The following CELF1 variants were observed in gnomAD, a reference collection of about 807,000 sequenced individuals.
CELF1 encodes the protein CUGBP Elav-like family member 1.
A neutral mutation model predicts 61.8 loss-of-function variants in CELF1; 10 were observed. The observed-to-expected ratio is 0.16, with a 90% CI of 0.10 to 0.27. The LOEUF (loss-of-function observed/expected upper bound fraction) is 0.27, where lower values mean the gene tolerates loss of function less well. Ranked by LOEUF, CELF1 falls within the 10% of genes least tolerant of loss-of-function variation. The probability of loss-of-function intolerance (pLI) is 1.00; values close to 1 mark genes in which losing one functional copy is unlikely to be tolerated. For missense variants in CELF1, 380 were observed against 639.1 expected, an observed-to-expected ratio of 0.59 and a Z score of 4.37; for synonymous variants, 236 against 225.1, an observed-to-expected ratio of 1.05 and a Z score of -0.43.
chr11:47,471,974 A>G lies in CELF1; in HGVS notation c.*256T>C, dbSNP rs2077832066. ...ATAAAGGAGAAACAAAAACAAAAAC[A>G]AAAAAAACCTCAGGATATGGCACCT... On this transcript the variant is annotated 3_prime_UTR_variant, in exon 15 of 15. Coordinates refer to ENST00000687097, the MANE Select transcript of CELF1 (RefSeq NM_001376376.1). The G allele has an allele frequency of 2.6e-6, 1 of 384,162 alleles. No individual in the cohort carries two copies. The highest frequency in any genetic ancestry group is 4.8e-6 in the Non-Finnish European group (1 of 210,354). The allele number at this position is 384,162 out of a possible 1,614,324, so 23.8% of individuals were successfully genotyped here.
In CELF1 at chr11:47,482,875, G is replaced by A. The variant is rs1374614145; in HGVS notation, c.607-19C>T. 6 of 1,603,626 alleles carry A rather than the reference G, an allele frequency of 3.7e-6. No homozygotes were observed. The highest frequency in any genetic ancestry group is 5.1e-6 in the Non-Finnish European group (6 of 1,174,250). On this transcript the variant is annotated intron_variant, in intron 8 of 14. Coordinates refer to ENST00000687097, the MANE Select transcript of CELF1 (RefSeq NM_001376376.1). ...AGCAACCCTGTGAAAAGACCATAAC[G>A]AAAGGGTCAAATTCCTCCATCTGAA...
At chr11:47,543,704 T>C (rs1248694240) in intron 1 of CELF1, among the ~76,000 whole-genome samples, 1 of 151,858 alleles carries the variant, frequency 6.6e-6, no homozygotes, top group Non-Finnish European at 1.5e-5. Flanking sequence ...AGCTCAAGAG[T>C]TTGCACCAGT....
intron 1 of CELF1, among the ~76,000 whole-genome samples, chr11:47,526,182 A>C (rs1262880484): frequency 6.6e-6 from 1 of 152,122 alleles, no homozygotes. Flanking sequence ...ATACAAAATT[A>C]GCCAGGTGTG....
At chr11:47,531,278 A>C (rs1048512058) in intron 1 of CELF1, among the ~76,000 whole-genome samples, 20 of 151,598 alleles carry the variant, frequency 1.3e-4, no homozygotes, top group African/African-American at 4.4e-4. Context: ...AAAACAAAAA[A>C]AAACAAACAG....
At chr11:47,520,641 C>G (rs1249058653) in intron 1 of CELF1, among the ~76,000 whole-genome samples, 2 of 152,012 alleles carry the variant, frequency 1.3e-5, no homozygotes, top group African/African-American at 4.8e-5. Context: ...AACCCTACCT[C>G]TACCCAAAAA....
In CELF1 at chr11:47,486,815, T is replaced by C. The variant is rs903696501; in HGVS notation, c.343-17A>G. On this transcript the variant is annotated splice_polypyrimidine_tract_variant and intron_variant, in intron 5 of 14. Coordinates refer to ENST00000687097, the MANE Select transcript of CELF1 (RefSeq NM_001376376.1). Reference sequence around the variant, plus strand: ...GTGATGCATCTGAAAAGGAAAAATATGATTATTATCACTGTATATATTGAT... The same window carrying C: ...GTGATGCATCTGAAAAGGAAAAATACGATTATTATCACTGTATATATTGAT... 1.3e-6 allele frequency: 2 copies of C among 1,581,530 alleles called. No homozygotes were observed. Among genetic ancestry groups the C allele is most frequent in the Non-Finnish European group, 1.7e-6 (2 of 1,150,312 alleles).
chr11:47,495,052 C>T lies in CELF1; in HGVS notation c.71+4401G>A, dbSNP rs145071822. Among the ~76,000 whole-genome samples the T allele has an allele frequency of 1.9e-3, 290 of 152,196 alleles. 1 individual carries two copies. The highest frequency in any genetic ancestry group is 0.014 in the Middle Eastern group (4 of 294). ...AGGCACGAGCCACTGCCCCCAGCTG[C>T]GATACAGAATATTTTCATCATCACA... On this transcript the variant is annotated intron_variant, in intron 3 of 14. Transcript: ENST00000687097.
In CELF1 at chr11:47,499,680, G is replaced by A. The variant is rs1468809188; in HGVS notation, c.-81-76C>T. The A allele has an allele frequency of 4.8e-6, 3 of 624,410 alleles. No homozygotes were observed. In the African/African-American group the frequency reaches 5.5e-5, roughly 11 times the overall value. 38.7% of individuals were successfully genotyped at this position (624,410 alleles called of 1,614,324 possible). A position where few individuals can be genotyped will look rare whatever the true frequency, so the allele number is the denominator to read the frequency against. On this transcript the variant is annotated intron_variant, in intron 2 of 14. Coordinates refer to ENST00000687097, the MANE Select transcript of CELF1 (RefSeq NM_001376376.1). ...CAATAAGTGCCACAGAAAGAGGCAG[G>A]ACTGGGGAAGGGGTAGGGAAAGGGA...
chr11:47,533,626 A>AAAT (rs2096545900), intron 1 of CELF1, among the ~76,000 whole-genome samples: 1 of 106,102 alleles, frequency 9.4e-6, no homozygotes, highest in Admixed American at 1.1e-4. Flanking sequence ...CCATTTCAAA[A>AAAT]AATAAATAAA....
chr11:47,541,101 C>A (rs569884563), intron 1 of CELF1, among the ~76,000 whole-genome samples: 2 of 152,262 alleles, frequency 1.3e-5, no homozygotes, highest in African/African-American at 4.8e-5. Context: ...GTTTCCCATA[C>A]ACAAAAGCTA....
At chr11:47,559,587 C>G (rs1395564863) in intron 2 of CELF1, among the ~76,000 whole-genome samples, 1 of 152,100 alleles carries the variant, frequency 6.6e-6, no homozygotes, top group African/African-American at 2.4e-5. Flanking sequence ...TGGGCTCAAG[C>G]GATCATCCCA....
At chr11:47,483,138 C>A (rs986080105) in intron 8 of CELF1, among the ~76,000 whole-genome samples, 3 of 151,874 alleles carry the variant, frequency 2.0e-5, no homozygotes, top group Non-Finnish European at 4.4e-5. Flanking sequence ...CTGGTGTGCA[C>A]CTGTAGTCCC....
chr11:47,549,233 A>C (rs1012276700), intron 1 of CELF1, among the ~76,000 whole-genome samples: 7 of 152,234 alleles, frequency 4.6e-5, no homozygotes, highest in Admixed American at 1.3e-4. Context: ...AAATAAAAAA[A>C]CACTATTCCA....
chr11:47,472,184 C>G lies in CELF1; in HGVS notation c.*46G>C, dbSNP rs892269368. On this transcript the variant is annotated 3_prime_UTR_variant, in exon 15 of 15. Transcript: ENST00000687097. ...CGAATCATTAAGGGTGCTCCTCCCC[C>G]ACTTACCAGAAGACCCTCTCACTCC... 9 of 1,606,972 alleles carry G rather than the reference C, an allele frequency of 5.6e-6. No individual in the cohort carries two copies. In the Admixed American group the frequency reaches 8.4e-5, roughly 15 times the overall value.
intron 1 of CELF1, among the ~76,000 whole-genome samples, chr11:47,508,787 T>G (rs1344944260): frequency 2.0e-5 from 3 of 152,168 alleles, no homozygotes; most frequent in Non-Finnish European, 2.9e-5. Context: ...AAGGCTGTTT[T>G]GAGACGGAGT....
intron 3 of CELF1, among the ~76,000 whole-genome samples, chr11:47,491,979 T>TA (rs1195420406): frequency 6.6e-6 from 1 of 152,196 alleles, no homozygotes; most frequent in Non-Finnish European, 1.5e-5. Flanking sequence ...ACAGGATTAA[T>TA]ACGCCTTTTT....
chr11:47,476,640 A>G (rs919159489), intron 12 of CELF1, among the ~76,000 whole-genome samples: 3 of 152,016 alleles, frequency 2.0e-5, no homozygotes, highest in South Asian at 2.1e-4. Context: ...GTTAGCCAGA[A>G]TGGTCTCGAT....
chr11:47,541,732 A>C (rs1305298302), intron 1 of CELF1, among the ~76,000 whole-genome samples: 569 of 8,904 alleles, frequency 0.064, 92 homozygotes, highest in Middle Eastern at 0.2. Context: ...GAAAGAACGA[A>C]AGAAAGAACG....
Position 47,544,859 on chromosome 11 carries a change from G to A in CELF1, c.-154+8133C>T, listed in dbSNP as rs111316512. Among the ~76,000 whole-genome samples, 1,043 of 152,168 alleles carry A rather than the reference G, an allele frequency of 6.9e-3. 14 individuals carry two copies. Among genetic ancestry groups the A allele is most frequent in the African/African-American group, 0.023 (966 of 41,494 alleles). On this transcript the variant is annotated intron_variant, in intron 1 of 14. Transcript: ENST00000687097. ...TGCCTATAATCCCAGCTACTCGGAA[G>A]GCTGAGGAAGGAAAATCACTTGAGC...
Sources: allele counts gnomAD v4.1 joint callset (sites outside exome capture counted in the v4.1 genomes callset), GRCh38; gene constraint gnomAD v4.1.1; transcripts MANE v1.5; gene names NCBI Gene and HGNC (gene_info 2026-07-23, HGNC 2026-07-21).